The following TENM3 variants were observed in gnomAD, a reference collection of about 807,000 sequenced individuals.
TENM3 encodes the protein teneurin-3.
In TENM3, 63 loss-of-function variants were observed where a neutral mutation model predicts 255.1. That is an observed-to-expected ratio of 0.25 (90% CI 0.20 to 0.30). The LOEUF is 0.30. Among genes scored for constraint, TENM3 ranks in the 10% least tolerant of loss-of-function variants. The pLI, the probability that TENM3 is intolerant of heterozygous loss-of-function variation, is 1.00. For synonymous variants in TENM3, 1,306 were observed against 1,322.3 expected, an observed-to-expected ratio of 0.99 and a Z score of 0.27; for missense variants, 2,929 against 3,461.1, an observed-to-expected ratio of 0.85 and a Z score of 3.86.
chr4:181,666,406 T>C, the TENM3 span, among the ~76,000 whole-genome samples: 3 of 152,194 alleles, frequency 2.0e-5, no homozygotes, highest in Non-Finnish European at 4.4e-5. Context: ...CAACCTCTCC[T>C]TGAAAGCAGC....
At chr4:182,534,782 G>C (rs1740129833) in intron 3 of TENM3, among the ~76,000 whole-genome samples, 1 of 152,214 alleles carries the variant, frequency 6.6e-6, no homozygotes, top group Admixed American at 6.5e-5. Context: ...TATACAGTGA[G>C]TAAGCACTTA....
At chr4:182,124,361 C>T in the TENM3 span, among the ~76,000 whole-genome samples, 1 of 152,022 alleles carries the variant, frequency 6.6e-6, no homozygotes, top group South Asian at 2.1e-4. Flanking sequence ...TGAAACTACC[C>T]GTTTACACAA....
At chr4:181,666,436 A>G in the TENM3 span, among the ~76,000 whole-genome samples, 5 of 152,262 alleles carry the variant, frequency 3.3e-5, no homozygotes, top group East Asian at 9.7e-4. Context: ...CATTCCTACA[A>G]TTAAGCAGTA....
the TENM3 span, among the ~76,000 whole-genome samples, chr4:181,869,982 A>G: frequency 1.3e-5 from 2 of 152,162 alleles, no homozygotes; most frequent in South Asian, 2.1e-4. Flanking sequence ...GACAAGGGCA[A>G]TTCTACTTAT....
At chr4:181,511,589 G>T in the TENM3 span, among the ~76,000 whole-genome samples, 1 of 152,136 alleles carries the variant, frequency 6.6e-6, no homozygotes, top group Non-Finnish European at 1.5e-5. Flanking sequence ...CCTTGCTCCG[G>T]GTGATTTGAC....
chr4:181,752,420 C>T, the TENM3 span, among the ~76,000 whole-genome samples: 7 of 151,960 alleles, frequency 4.6e-5, no homozygotes, highest in African/African-American at 4.8e-5. Flanking sequence ...GGCGTGGTGG[C>T]GGGTGCCTGT....
chr4:182,042,437 A>C, the TENM3 span, among the ~76,000 whole-genome samples: 1 of 152,198 alleles, frequency 6.6e-6, no homozygotes. Context: ...ATGAGTGTAC[A>C]GTAACATGTC....
At chr4:181,479,986 A>G in the TENM3 span, among the ~76,000 whole-genome samples, 1 of 152,136 alleles carries the variant, frequency 6.6e-6, no homozygotes, top group Non-Finnish European at 1.5e-5. Flanking sequence ...CCTAGCAATC[A>G]CAGTAACCAG....
the TENM3 span, among the ~76,000 whole-genome samples, chr4:181,570,203 G>A: frequency 1.3e-5 from 2 of 151,676 alleles, no homozygotes; most frequent in Admixed American, 1.3e-4. Context: ...CCGCCACCGC[G>A]CCCGGCTAAT....
chr4:182,363,366 GAT>G (rs1766171423), intron 3 of TENM3, among the ~76,000 whole-genome samples: 2 of 151,462 alleles, frequency 1.3e-5, no homozygotes, highest in South Asian at 4.2e-4. Context: ...TGTATATATT[GAT>G]ATATGTGTGT....
At chr4:181,774,009 T>G in the TENM3 span, among the ~76,000 whole-genome samples, 517 of 129,812 alleles carry the variant, frequency 4.0e-3, 11 homozygotes, top group Middle Eastern at 8.4e-3. Flanking sequence ...CTGTGTTTTT[T>G]TTTTTTTTTT....
intron 3 of TENM3, among the ~76,000 whole-genome samples, chr4:182,510,383 G>T (rs1264837589): frequency 6.6e-6 from 1 of 152,062 alleles, no homozygotes; most frequent in African/African-American, 2.4e-5. Flanking sequence ...CTTGGCTTTG[G>T]TTAGCTCCTT....
intron 7 of TENM3, among the ~76,000 whole-genome samples, chr4:182,676,131 A>G (rs1482471917): frequency 6.6e-6 from 1 of 152,234 alleles, no homozygotes; most frequent in Admixed American, 6.5e-5. Context: ...TCAACCTGAA[A>G]TAATTAAAAT....
Position 182,386,571 on chromosome 4 carries a change from G to C in TENM3, c.511+39642G>C, listed in dbSNP as rs529310565. On this transcript the variant is annotated intron_variant, in intron 3 of 27. Transcript: ENST00000511685. Reference sequence around the variant, plus strand: ...CAGGGAGGTGTGGAGGGAGAGGCGCGAGCAGGAACTGGGGCTGCGCGCAGC... The same window carrying C: ...CAGGGAGGTGTGGAGGGAGAGGCGCCAGCAGGAACTGGGGCTGCGCGCAGC... Among the ~76,000 whole-genome samples, 104 of 152,304 alleles carry C rather than the reference G, an allele frequency of 6.8e-4. 1 individual carries two copies. Among genetic ancestry groups the C allele is most frequent in the African/African-American group, 9.4e-4 (39 of 41,586 alleles).
chr4:182,227,692 T>C (rs1200465253), intron 1 of TENM3, among the ~76,000 whole-genome samples: 16 of 151,934 alleles, frequency 1.1e-4, no homozygotes, highest in Non-Finnish European at 2.2e-4. Flanking sequence ...ATATTCCTTT[T>C]TTCAGTGGCT....
At chr4:182,695,556 T>C (rs1159145154) in intron 12 of TENM3, among the ~76,000 whole-genome samples, 1 of 152,174 alleles carries the variant, frequency 6.6e-6, no homozygotes, top group Non-Finnish European at 1.5e-5. Context: ...ATCACTTCTC[T>C]CTGTGGCTGT....
intron 1 of TENM3, among the ~76,000 whole-genome samples, chr4:182,159,300 A>G (rs1003363353): frequency 3.3e-4 from 50 of 152,340 alleles, no homozygotes; most frequent in Admixed American, 9.8e-4. Context: ...GTTGAAGTCC[A>G]TCTGTACCAT....
At chr4:181,669,969 T>G in the TENM3 span, among the ~76,000 whole-genome samples, 4 of 152,170 alleles carry the variant, frequency 2.6e-5, no homozygotes, top group African/African-American at 9.7e-5. Flanking sequence ...ATAAAACACA[T>G]CTTATGATTA....
At chr4:182,292,872 G>C (rs1180930293) in intron 1 of TENM3, among the ~76,000 whole-genome samples, 1 of 152,226 alleles carries the variant, frequency 6.6e-6, no homozygotes, top group Non-Finnish European at 1.5e-5. Flanking sequence ...GAGCATCACA[G>C]CTGACAGCTG....
Sources: gnomAD v4.1 joint callset for allele counts (sites outside exome capture counted in the v4.1 genomes callset) on GRCh38, gnomAD v4.1.1 for gene constraint, MANE v1.5 for transcripts, NCBI Gene and HGNC (gene_info 2026-07-23, HGNC 2026-07-21) for gene names.